Variants in UVSSA observed in about 807,000 individuals in gnomAD.
UVSSA encodes UV-stimulated scaffold protein A.
Under a neutral mutation model 73.9 loss-of-function variants are expected in UVSSA, and 72 were observed. That is an observed-to-expected ratio of 0.97 (90% CI 0.81 to 1.19). UVSSA has a LOEUF of 1.19. Ranked by LOEUF, UVSSA falls within the 50% of genes most tolerant of loss-of-function variation. The probability of loss-of-function intolerance (pLI) is 0.00; values close to 1 mark genes in which losing one functional copy is unlikely to be tolerated. For missense variants in UVSSA, 1,150 were observed against 965.0 expected, an observed-to-expected ratio of 1.19 and a Z score of -2.54; for synonymous variants, 454 against 391.3, an observed-to-expected ratio of 1.16 and a Z score of -1.89.
intron 7 of UVSSA, chr4:1,356,896 C>T (rs1715856824): frequency 6.5e-6 from 1 of 152,692 alleles, no homozygotes; most frequent in Non-Finnish European, 1.5e-5. Context: ...CCTGGACTCA[C>T]CTGGCACGGC....
At chr4:1,346,570 G>A (rs1349748920), upstream of UVSSA, among the ~76,000 whole-genome samples, 2 of 152,102 alleles carry the variant, frequency 1.3e-5, no homozygotes, top group African/African-American at 4.8e-5. Flanking sequence ...TGGCGCCGAG[G>A]TGGGCCCCGA....
chr4:1,379,907 T>G, intron 10 of UVSSA, 140 bp from the exon 11 acceptor site: 3 of 990,170 alleles, frequency 3.0e-6, no homozygotes, highest in Non-Finnish European at 4.1e-6. Flanking sequence ...GGAGTGACCG[T>G]GTTCTCCCTG....
intron 6 of UVSSA, 85 bp downstream of exon 6, chr4:1,354,932 TGGCCC>T: frequency 6.6e-7 from 1 of 1,509,882 alleles, no homozygotes; most frequent in East Asian, 2.4e-5. Flanking sequence ...GGGGGGACTG[TGGCCC>T]GGTGACTGAA....
At chr4:1,381,246 G>A (rs1389452401) in intron 12 of UVSSA, among the ~76,000 whole-genome samples, 4 of 152,262 alleles carry the variant, frequency 2.6e-5, no homozygotes, top group Non-Finnish European at 4.4e-5. Flanking sequence ...GGGCACCCAC[G>A]GCCCCGAAGC....
rs1194936356 is a variant in UVSSA at position 1,353,188 on chromosome 4, C to T, written c.709C>T (p.Pro237Ser). The T allele has an allele frequency of 3.1e-6, 5 of 1,612,748 alleles. No homozygotes were observed. The highest frequency in any genetic ancestry group is 4.2e-6 in the Non-Finnish European group (5 of 1,180,012). Residue 237 changes from proline (P) to serine (S), a missense_variant, in exon 5 of 14, where the codon CCC becomes TCC. Coordinates refer to ENST00000389851, the MANE Select transcript of UVSSA (RefSeq NM_020894.4). ...CTCCTCCTGCGCGGGCCAGGTGGGC[C>T]CCTGCCGGTCTGGCACCCCTGACCC... ...LRSSCAGQVG[P>S]CRSGTPDPRD...
chr4:1,369,921 G>A (rs910648061), intron 8 of UVSSA, among the ~76,000 whole-genome samples: 6 of 152,272 alleles, frequency 3.9e-5, no homozygotes, highest in Middle Eastern at 3.2e-3. Flanking sequence ...CGGCTGTGAC[G>A]TGTGGCCTCT....
rs748831136 is a variant in UVSSA, at chr4:1,383,984, G to T, written c.2036+44G>T. On this transcript the variant is annotated intron_variant, in intron 13 of 13. Transcript: ENST00000389851. ...TCACCTCCCACCGCGTGGCCCCCCC[G>T]TGTGAGGGTGTTCGAGGGGGGCCAT... 5.8e-6 allele frequency: 9 copies of T among 1,562,492 alleles called. No individual in the cohort carries two copies. The South Asian group carries it at 8.0e-5, about 14-fold the overall frequency.
At chr4:1,378,519 C>A (rs1719048939) in intron 10 of UVSSA, among the ~76,000 whole-genome samples, 1 of 152,196 alleles carries the variant, frequency 6.6e-6, no homozygotes, top group Admixed American at 6.5e-5. Context: ...CCATCACACT[C>A]CAGCCTGGGC....
Position 1,383,889 on chromosome 4 carries a change from A to T in UVSSA, c.1985A>T (p.Lys662Met). ...KRRYPSLTNL[K>M]AQADTARARI... The stretch of plus-strand genomic sequence containing the variant: ...AGGTACCCCAGCCTCACCAACCTGA[A>T]GGCTCAGGCTGATACCGCCCGCGCT... The change falls in exon 13 of 14, where the codon AAG becomes ATG. Residue 662 changes from lysine (K) to methionine (M), a missense_variant. By Grantham distance (95) the Lys-to-Met change is moderately conservative. Transcript: ENST00000389851. 6.2e-7 allele frequency: 1 copy of T among 1,613,520 alleles called. No homozygotes were observed. Among genetic ancestry groups the T allele is most frequent in the Non-Finnish European group, 8.5e-7 (1 of 1,179,982 alleles).
chr4:1,347,077 T>C (rs938463746), upstream of UVSSA, among the ~76,000 whole-genome samples: 1 of 151,938 alleles, frequency 6.6e-6, no homozygotes, highest in Non-Finnish European at 1.5e-5. Context: ...AAAGGCCGCG[T>C]CGAGCGGTAG....
downstream of UVSSA, chr4:1,388,489 AG>A (rs1294735997): frequency 2.0e-5 from 3 of 152,262 alleles, no homozygotes; most frequent in African/African-American, 7.2e-5. Context: ...TAGTACCTCC[AG>A]GACAATGTTG....
chr4:1,350,766 TAAA>T (rs34918099), intron 3 of UVSSA, among the ~76,000 whole-genome samples: 2 of 139,402 alleles, frequency 1.4e-5, no homozygotes, highest in African/African-American at 2.6e-5. Flanking sequence ...CGTTGTCTCT[TAAA>T]AAAAAAAAAA....
chr4:1,370,803 G>A (rs960597407), intron 8 of UVSSA, among the ~76,000 whole-genome samples: 10 of 152,246 alleles, frequency 6.6e-5, no homozygotes, highest in African/African-American at 2.4e-4. Context: ...CAAGTCAGAG[G>A]TGGCTCCAGA....
exon 14 of UVSSA, chr4:1,394,283 AGTTGAATTATC>A (rs1720469813): frequency 1.2e-6 from 1 of 815,620 alleles, no homozygotes; most frequent in Non-Finnish European, 1.9e-6. Context: ...TGAGTTATGT[AGTTGAATTATC>A]AATCTTTCTT....
rs199921553 is a variant in UVSSA at position 1,380,937 on chromosome 4, G to C, written c.1810G>C (p.Glu604Gln). Reference sequence around the variant, plus strand: ...CGACGAAGGACGGCCGCTCGACCCGGAAGACAGGGCTCGTGAGCAGCGGCG... The same window carrying C: ...CGACGAAGGACGGCCGCTCGACCCGCAAGACAGGGCTCGTGAGCAGCGGCG... ...RDDEGRPLDPEDRAREQRRQL... is the reference protein window; with the variant it reads ...RDDEGRPLDPQDRAREQRRQL... The change falls in exon 12 of 14, where the codon GAA becomes CAA. Residue 604 changes from glutamate to glutamine, a missense_variant. Physicochemically the swap from Glu to Gln is conservative, Grantham distance 29. Coordinates refer to ENST00000389851, the MANE Select transcript of UVSSA (RefSeq NM_020894.4). 6.2e-7 allele frequency: 1 copy of C among 1,613,062 alleles called. No individual in the cohort carries two copies. The highest frequency in any genetic ancestry group is 2.2e-5 in the East Asian group (1 of 44,864).
At chr4:1,366,610 G>C (rs1254565411) in intron 8 of UVSSA, among the ~76,000 whole-genome samples, 179 bp downstream of exon 8, 1 of 152,210 alleles carries the variant, frequency 6.6e-6, no homozygotes, top group African/African-American at 2.4e-5. Flanking sequence ...GAGAAGTCGT[G>C]TGTGTGCTTT....
intron 7 of UVSSA, among the ~76,000 whole-genome samples, chr4:1,361,534 G>A (rs971700589): frequency 2.6e-5 from 4 of 152,258 alleles, no homozygotes; most frequent in Non-Finnish European, 5.9e-5. Flanking sequence ...GGTTCTGCTC[G>A]GCCCCGACAG....
upstream of UVSSA, among the ~76,000 whole-genome samples, chr4:1,345,232 G>A (rs909969647): frequency 3.3e-5 from 5 of 152,216 alleles, no homozygotes; most frequent in African/African-American, 1.2e-4. Flanking sequence ...AGATCTGGAT[G>A]TGTTCTGAAG....
intron 3 of UVSSA, among the ~76,000 whole-genome samples, chr4:1,350,255 A>G (rs1426250076): frequency 6.6e-6 from 1 of 152,026 alleles, no homozygotes; most frequent in Non-Finnish European, 1.5e-5. Context: ...GCACCCTACT[A>G]TGGGCTCGGG....
Sources: gnomAD v4.1 joint callset for allele counts (sites outside exome capture counted in the v4.1 genomes callset) on GRCh38, gnomAD v4.1.1 for gene constraint, MANE v1.5 for transcripts, NCBI Gene and HGNC (gene_info 2026-07-23, HGNC 2026-07-21) for gene names.